The following CEP70 variants were observed in gnomAD, a reference collection of about 807,000 sequenced individuals.
The protein encoded by CEP70 is centrosomal protein 70.
Under a neutral mutation model 90.9 loss-of-function variants are expected in CEP70, and 70 were observed. The ratio of observed to expected loss-of-function variants is 0.77; its 90% CI spans 0.64 to 0.94. The LOEUF (loss-of-function observed/expected upper bound fraction) is 0.94. Among genes scored for constraint, CEP70 ranks in the 40% least tolerant of loss-of-function variants. The pLI, the probability that CEP70 is intolerant of heterozygous loss-of-function variation, is 0.00. For missense variants in CEP70, 648 were observed against 669.0 expected (o/e 0.97, Z 0.35); for synonymous variants, 220 against 228.3 (o/e 0.96, Z 0.33).
chr3:138,497,915 T>C, intron 17 of CEP70, 116 bp downstream of exon 17: 1 of 1,517,258 alleles, frequency 6.6e-7, no homozygotes, highest in East Asian at 2.5e-5. Context: ...CCAGAACTGT[T>C]AGTGGTTTCC....
In CEP70 at chr3:138,519,226, G is replaced by A. The variant is rs367833767; in HGVS notation, c.944+6264C>T. On this transcript the variant is annotated intron_variant, in intron 11 of 17. Coordinates refer to ENST00000264982, the MANE Select transcript of CEP70 (RefSeq NM_024491.4). ...TCTGATTGATGTACCTGAAAGTGACGGGGAGAATGGAACCAAGCTGGAAAA... is the reference window on the plus strand; with the variant it reads ...TCTGATTGATGTACCTGAAAGTGACAGGGAGAATGGAACCAAGCTGGAAAA... Among the ~76,000 whole-genome samples the A allele has an allele frequency of 2.1e-4, 31 of 149,568 alleles. No individual in the cohort carries two copies. In the South Asian group the frequency reaches 4.5e-3, roughly 22 times the overall value.
At chr3:138,543,499 C>T (rs1207434986) in intron 6 of CEP70, among the ~76,000 whole-genome samples, 1 of 152,210 alleles carries the variant, frequency 6.6e-6, no homozygotes, top group African/African-American at 2.4e-5. Context: ...CCTGAGGGGG[C>T]AGGGGGCTTT....
At chr3:138,553,546 AGAATT>A (rs2039779628) in intron 6 of CEP70, among the ~76,000 whole-genome samples, 1 of 152,178 alleles carries the variant, frequency 6.6e-6, no homozygotes, top group Admixed American at 6.5e-5. Context: ...AGACATTCAA[AGAATT>A]GGTGTCAATC....
intron 10 of CEP70, among the ~76,000 whole-genome samples, chr3:138,528,677 C>T (rs1169637032): frequency 1.3e-5 from 2 of 152,016 alleles, no homozygotes; most frequent in African/African-American, 4.8e-5. Context: ...AAGGAGACCC[C>T]ATCTCTACCA....
rs1468133633 is a variant in CEP70 at position 138,498,054 on chromosome 3, G to A, written c.1709C>T (p.Thr570Ile). 2 of 1,613,094 alleles carry A rather than the reference G, an allele frequency of 1.2e-6. No individual in the cohort carries two copies. The highest frequency in any genetic ancestry group is 1.7e-6 in the Non-Finnish European group (2 of 1,179,578). The change falls in exon 17 of 18, where the codon ACT becomes ATT. Residue 570 changes from threonine (T) to isoleucine (I), a missense_variant. Transcript: ENST00000264982. ...ACCTAAGATTTCAAGTAGATCATTA[G>A]TAAATGCCTGAAATGCTGGGAAAAA... ...EEFFPAFQAF[T>I]NDLLEILEID... is the part of the protein sequence containing the mutation.
intron 6 of CEP70, among the ~76,000 whole-genome samples, chr3:138,541,143 C>T (rs1404608444): frequency 6.6e-6 from 1 of 152,096 alleles, no homozygotes; most frequent in African/African-American, 2.4e-5. Flanking sequence ...GGGCTTAATG[C>T]CTGGGTGATG....
At chr3:138,581,992 A>G (rs2041885060) in intron 2 of CEP70, among the ~76,000 whole-genome samples, 1 of 152,222 alleles carries the variant, frequency 6.6e-6, no homozygotes, top group African/African-American at 2.4e-5. Context: ...AAGCAAAAAA[A>G]ACTTTTACCC....
At position 138,582,770 on chromosome 3, in the gene CEP70, A is replaced by G. The variant is rs6793405; in HGVS notation, c.-6+9084T>C. 5.6e-3 allele frequency among the ~76,000 whole-genome samples: 848 copies of G among 152,260 alleles called. 5 individuals are homozygous for G. The highest frequency in any genetic ancestry group is 0.02 in the African/African-American group (817 of 41,544). ...CAGAACTAGACTCCATCTCAAAAAAATAAAAATAAATAAATAAATAAGATA... is the reference window on the plus strand; with the variant it reads ...CAGAACTAGACTCCATCTCAAAAAAGTAAAAATAAATAAATAAATAAGATA... On this transcript the variant is annotated intron_variant, in intron 2 of 17. Transcript: ENST00000264982.
intron 15 of CEP70, 84 bp downstream of exon 15, chr3:138,500,315 C>T (rs1231951734): frequency 6.6e-7 from 1 of 1,511,676 alleles, no homozygotes; most frequent in Non-Finnish European, 8.9e-7. Flanking sequence ...CTCAATTTTT[C>T]ACTTAAACAT....
intron 11 of CEP70, among the ~76,000 whole-genome samples, chr3:138,518,044 C>G (rs112826402): frequency 1.3e-5 from 2 of 152,220 alleles, no homozygotes; most frequent in Non-Finnish European, 2.9e-5. Context: ...TATCCCGCAC[C>G]TGGCTTGGAG....
chr3:138,532,869 G>A (rs1056238067), intron 7 of CEP70, among the ~76,000 whole-genome samples: 1 of 152,144 alleles, frequency 6.6e-6, no homozygotes, highest in Non-Finnish European at 1.5e-5. Flanking sequence ...ATAAGTCAAA[G>A]GATGCAACTC....
chr3:138,572,937 T>C lies in CEP70; in HGVS notation c.-5-5A>G. On this transcript the variant is annotated splice_polypyrimidine_tract_variant and splice_region_variant and intron_variant, in intron 2 of 17. Coordinates refer to ENST00000264982, the MANE Select transcript of CEP70 (RefSeq NM_024491.4). ...GGGCTACCGGAAACATAGTTACTTT[T>C]GTAGAATCAAAAGAAACAGAAATTG... The C allele has an allele frequency of 6.3e-7, 1 of 1,599,346 alleles. No individual in the cohort carries two copies. Among genetic ancestry groups the C allele is most frequent in the Non-Finnish European group, 8.5e-7 (1 of 1,172,654 alleles).
At chr3:138,552,698 A>G (rs2039710780) in intron 6 of CEP70, among the ~76,000 whole-genome samples, 1 of 152,110 alleles carries the variant, frequency 6.6e-6, no homozygotes, top group Non-Finnish European at 1.5e-5. Context: ...AAAATTCACC[A>G]CCTTAAATGC....
chr3:138,505,403 C>T lies in CEP70; in HGVS notation c.1113G>A (p.Gln371=). 1 of 1,611,604 alleles carries T rather than the reference C, an allele frequency of 6.2e-7. No homozygotes were observed. The highest frequency in any genetic ancestry group is 1.3e-5 in the African/African-American group (1 of 74,898). ...TAAAATTTTGGACTCCCCCTTTGGT[C>T]TGTTTATAAATTATTACTGGAGCTC... ...NPRAPVIIYK[Q]TKGGVQNFNK... is the part of the protein sequence containing the mutation. Residue 371 remains glutamine, a synonymous_variant, in exon 13 of 18, where the codon CAG becomes CAA. Transcript: ENST00000264982.
chr3:138,497,907 A>G, intron 17 of CEP70, 124 bp downstream of exon 17: 3 of 1,504,888 alleles, frequency 2.0e-6, no homozygotes, highest in Non-Finnish European at 2.6e-6. Flanking sequence ...ATGTGTTTCC[A>G]GAACTGTTAG....
chr3:138,574,135 G>C (rs1376144037), intron 2 of CEP70, among the ~76,000 whole-genome samples: 1 of 152,150 alleles, frequency 6.6e-6, no homozygotes, highest in Non-Finnish European at 1.5e-5. Context: ...AAGCAGGGTG[G>C]GGCATTGCCT....
chr3:138,586,703 G>A (rs2042121288), intron 2 of CEP70, among the ~76,000 whole-genome samples: 1 of 152,130 alleles, frequency 6.6e-6, no homozygotes. Context: ...TGGGCTGAAA[G>A]GAAGAGGGGA....
At chr3:138,508,678 C>CATGT in intron 11 of CEP70, 134 bp from the exon 12 acceptor site, 1 of 643,878 alleles carries the variant, frequency 1.6e-6, no homozygotes, top group East Asian at 2.7e-5. Flanking sequence ...TGTGTGCACA[C>CATGT]ATGTATGTAT....
intron 6 of CEP70, among the ~76,000 whole-genome samples, chr3:138,567,010 A>G (rs1161438299): frequency 6.6e-6 from 1 of 152,182 alleles, no homozygotes; most frequent in Non-Finnish European, 1.5e-5. Context: ...AAACTGTGAT[A>G]TATCTATACA....
Sources: gnomAD v4.1 joint callset for allele counts (sites outside exome capture counted in the v4.1 genomes callset) on GRCh38, gnomAD v4.1.1 for gene constraint, MANE v1.5 for transcripts, NCBI Gene and HGNC (gene_info 2026-07-23, HGNC 2026-07-21) for gene names.